CDC5L: variants seen among roughly 807,000 people sequenced by gnomAD.
CDC5L encodes cell division cycle 5 like.
In CDC5L, 18 loss-of-function variants were observed where a neutral mutation model predicts 104.1. The observed-to-expected ratio is 0.17, with a 90% CI of 0.12 to 0.26. The LOEUF (loss-of-function observed/expected upper bound fraction) is 0.26. Among genes scored for constraint, CDC5L ranks in the 10% least tolerant of loss-of-function variants. The pLI, the probability that CDC5L is intolerant of heterozygous loss-of-function variation, is 1.00. For synonymous variants in CDC5L, 331 were observed against 322.7 expected (o/e 1.03, Z -0.28); for missense variants, 673 against 956.9 (o/e 0.70, Z 3.91).
chr6:44,445,631 A>C (rs775022424), intron 14 of CDC5L, 24 bp from the exon 15 acceptor site: 1 of 1,562,674 alleles, frequency 6.4e-7, no homozygotes, highest in Non-Finnish European at 8.8e-7. Flanking sequence ...ATGTATGCTG[A>C]TGTGATCTTC....
In CDC5L at chr6:44,445,811, C is replaced by G; in HGVS notation, c.2248C>G (p.Arg750Gly). The G allele has an allele frequency of 6.2e-7, 1 of 1,613,966 alleles. No homozygotes were observed. The highest frequency in any genetic ancestry group is 8.5e-7 in the Non-Finnish European group (1 of 1,179,916). The change falls in exon 15 of 16, where the codon CGC becomes GGC. Residue 750 changes from arginine to glycine, a missense_variant. Arg to Gly is a moderately radical substitution (Grantham distance 125). Coordinates refer to ENST00000371477, the MANE Select transcript of CDC5L (RefSeq NM_001253.4). ...DQIEQAHLEL[R>G]TFEELKKHED... ...AATTGAACAGGCTCACTTGGAGTTA[C>G]GCACTTTTGAAGAACTCAAGAAACA...
At chr6:44,445,594 CCT>C (rs1246753793) in intron 14 of CDC5L, 59 bp from the exon 15 acceptor site, 1 of 1,212,904 alleles carries the variant, frequency 8.2e-7, no homozygotes, top group Non-Finnish European at 1.2e-6. Flanking sequence ...CCTTTTTAGC[CCT>C]GTTATTTAAT....
intron 8 of CDC5L, among the ~76,000 whole-genome samples, chr6:44,409,207 A>G (rs912771540): frequency 2.0e-5 from 3 of 152,214 alleles, no homozygotes; most frequent in Non-Finnish European, 2.9e-5. Flanking sequence ...AGCAAGAAAA[A>G]CACTTGTGCC....
In CDC5L at chr6:44,449,805, C is replaced by T. The variant is rs1168503429; in HGVS notation, c.*3094C>T. 2 of 149,498 alleles carry T rather than the reference C, an allele frequency of 1.3e-5. No individual in the cohort carries two copies. The highest frequency in any genetic ancestry group is 3.9e-4 in the East Asian group (2 of 5,110). The allele number at this position is 149,498 out of a possible 1,614,324, so 9.3% of individuals were successfully genotyped here. A position where few individuals can be genotyped will look rare whatever the true frequency, so the allele number is the denominator to read the frequency against. On this transcript the variant is annotated 3_prime_UTR_variant, in exon 16 of 16. Coordinates refer to ENST00000371477, the MANE Select transcript of CDC5L (RefSeq NM_001253.4). ...ATGCATTTGAATTTGATTTACTAAT[C>T]TTTTATTTAGGAAATTTACATTTTT...
intron 2 of CDC5L, 96 bp downstream of exon 2, chr6:44,390,467 T>C: frequency 1.3e-6 from 1 of 786,118 alleles, no homozygotes; most frequent in East Asian, 2.8e-5. Flanking sequence ...AAAGCAGACA[T>C]TGTAATATAA....
At position 44,401,377 on chromosome 6, in the gene CDC5L, T is replaced by C. The variant is rs540580364; in HGVS notation, c.540-2432T>C. Among the ~76,000 whole-genome samples the C allele has an allele frequency of 2.7e-3, 405 of 152,302 alleles. 2 individuals are homozygous for C. Among genetic ancestry groups the C allele is most frequent in the Non-Finnish European group, 4.2e-3 (287 of 68,030 alleles). ...GGCAAAGGCTATCAGGGCTCCAGTA[T>C]TCTCAGCAGCACTGTGTCCAAAGCT... On this transcript the variant is annotated intron_variant, in intron 5 of 15. Transcript: ENST00000371477.
intron 13 of CDC5L, among the ~76,000 whole-genome samples, chr6:44,426,988 A>G (rs990037211): frequency 1.3e-5 from 2 of 152,170 alleles, no homozygotes; most frequent in Admixed American, 1.3e-4. Flanking sequence ...CTTCGTTGAC[A>G]GTTGTTACAG....
rs532794333 is a variant in CDC5L at position 44,421,467 on chromosome 6, A to G, written c.1242-1180A>G. Among the ~76,000 whole-genome samples the G allele has an allele frequency of 1.1e-4, 17 of 152,328 alleles. No homozygotes were observed. In the East Asian group the frequency reaches 3.3e-3, roughly 29 times the overall value. Reference sequence around the variant, plus strand: ...TTTAGTAGAGAAAGCACTTCAGGCTATTACACATATCATGACAGCAGAACC... The same window carrying G: ...TTTAGTAGAGAAAGCACTTCAGGCTGTTACACATATCATGACAGCAGAACC... On this transcript the variant is annotated intron_variant, in intron 9 of 15. Transcript: ENST00000371477.
intron 6 of CDC5L, 134 bp from the exon 7 acceptor site, chr6:44,406,189 A>G (rs1208312007): frequency 3.0e-6 from 2 of 673,168 alleles, no homozygotes; most frequent in East Asian, 3.0e-5. Context: ...GGCGTGAGCC[A>G]TTGCACCTGG....
rs578079150 is a variant in CDC5L at position 44,427,895 on chromosome 6, C to A, written c.1893+1171C>A. Among the ~76,000 whole-genome samples, 20 of 152,286 alleles carry A rather than the reference C, an allele frequency of 1.3e-4. No individual in the cohort carries two copies. In the East Asian group the frequency reaches 3.5e-3, roughly 26 times the overall value. ...ACCTAAAACAAGGATCACATTGTTG[C>A]TTTTGGAGATTCTGTAGAGGGTAAA... On this transcript the variant is annotated intron_variant, in intron 13 of 15. Coordinates refer to ENST00000371477, the MANE Select transcript of CDC5L (RefSeq NM_001253.4).
rs1288337826 is a variant in CDC5L, at chr6:44,423,283, A to G, written c.1404+474A>G. The stretch of plus-strand genomic sequence containing the variant: ...TATATGTTTTTTAAAGTTCAAATTG[A>G]TATCAACTAAAGCCAACTCTGAATG... On this transcript the variant is annotated intron_variant, in intron 10 of 15. Transcript: ENST00000371477. 3.9e-5 allele frequency among the ~76,000 whole-genome samples: 6 copies of G among 152,182 alleles called. No homozygotes were observed. In the East Asian group the frequency reaches 9.6e-4, roughly 24 times the overall value.
intron 14 of CDC5L, among the ~76,000 whole-genome samples, chr6:44,433,451 G>A (rs994888154): frequency 6.6e-6 from 1 of 152,162 alleles, no homozygotes; most frequent in Non-Finnish European, 1.5e-5. Flanking sequence ...TCCAGTGGGT[G>A]CAAAAGTGAA....
intron 5 of CDC5L, among the ~76,000 whole-genome samples, chr6:44,402,452 T>A (rs1791174652): frequency 3.3e-5 from 5 of 152,224 alleles, no homozygotes; most frequent in Admixed American, 3.3e-4. Flanking sequence ...TAATTGGTTG[T>A]TTTTAAAATA....
chr6:44,395,521 TAGCAGGGTTGTTGTGA>T (rs1209204287), intron 4 of CDC5L, among the ~76,000 whole-genome samples: 2 of 152,238 alleles, frequency 1.3e-5, no homozygotes, highest in Non-Finnish European at 2.9e-5. Flanking sequence ...TGCTTTACCT[TAGCAGGGTTGTTGTGA>T]AGCACTCAGT....
rs373996631 is a variant in CDC5L at position 44,418,777 on chromosome 6, C to T, written c.1093-672C>T. Among the ~76,000 whole-genome samples the T allele has an allele frequency of 3.3e-5, 5 of 151,234 alleles. No homozygotes were observed. In the East Asian group the frequency reaches 5.8e-4, roughly 18 times the overall value. ...GAGCATTTTTTCATGTGTTTTTTGG[C>T]TGCATAAATGTCTTCTTTTGAGAAG... is the stretch of plus-strand genomic sequence containing the variant. On this transcript the variant is annotated intron_variant, in intron 8 of 15. Transcript: ENST00000371477.
intron 4 of CDC5L, among the ~76,000 whole-genome samples, chr6:44,394,311 A>G (rs1360337794): frequency 6.6e-6 from 1 of 152,166 alleles, no homozygotes; most frequent in African/African-American, 2.4e-5. Context: ...TTCAGAGGCT[A>G]GAGGTGAGCC....
rs774373300 is a variant in CDC5L, at chr6:44,419,470, C to T, written c.1114C>T (p.Leu372Phe). Residue 372 changes from leucine to phenylalanine, a missense_variant, in exon 9 of 16, where the codon CTC becomes TTC. Transcript: ENST00000371477. ...TCAGGAAGCCCAGAACCTCATGGCC[C>T]TCACCAATGTGGACACCCCATTGAA... is the stretch of plus-strand genomic sequence containing the variant. ...ILQEAQNLMA[L>F]TNVDTPLKGG... 5 of 1,614,170 alleles carry T rather than the reference C, an allele frequency of 3.1e-6. No individual in the cohort carries two copies. The highest frequency in any genetic ancestry group is 4.2e-6 in the Non-Finnish European group (5 of 1,180,016).
rs1284272253 is a variant in CDC5L at position 44,394,672 on chromosome 6, A to T, written c.439+1099A>T. On this transcript the variant is annotated intron_variant, in intron 4 of 15. Coordinates refer to ENST00000371477, the MANE Select transcript of CDC5L (RefSeq NM_001253.4). Reference sequence around the variant, plus strand: ...GGAGTTCAAGATCAGCCTGGCCAACATGGTGAAACCCTGCCTCTATAAAAA... The same window carrying T: ...GGAGTTCAAGATCAGCCTGGCCAACTTGGTGAAACCCTGCCTCTATAAAAA... Among the ~76,000 whole-genome samples the T allele has an allele frequency of 4.0e-5, 6 of 149,806 alleles. No homozygotes were observed. In the East Asian group the frequency reaches 9.7e-4, roughly 24 times the overall value.
At chr6:44,403,697 T>C in intron 5 of CDC5L, 112 bp from the exon 6 acceptor site, 1 of 742,350 alleles carries the variant, frequency 1.3e-6, no homozygotes, top group Non-Finnish European at 2.1e-6. Context: ...GGTAAGGATT[T>C]AAATAACTAT....
Sources: allele counts gnomAD v4.1 joint callset (sites outside exome capture counted in the v4.1 genomes callset), GRCh38; gene constraint gnomAD v4.1.1; transcripts MANE v1.5; gene names NCBI Gene and HGNC (gene_info 2026-07-23, HGNC 2026-07-21).